The following GLI2 variants were observed in gnomAD, a reference collection of about 807,000 sequenced individuals.
GLI2 encodes the protein GLI family zinc finger 2.
In GLI2, 22 loss-of-function variants were observed where a neutral mutation model predicts 78.9. That is an observed-to-expected ratio of 0.28 (90% CI 0.20 to 0.40). The LOEUF (loss-of-function observed/expected upper bound fraction) is 0.40. GLI2 is among the 10% of genes least tolerant of loss of function. GLI2 has a pLI of 1.00. For missense variants in GLI2, 2,097 were observed against 2,213.2 expected (o/e 0.95, Z 1.05); for synonymous variants, 974 against 963.7 (o/e 1.01, Z -0.20).
chr2:120,877,371 T>C (rs751000258), intron 2 of GLI2, among the ~76,000 whole-genome samples: 7 of 152,182 alleles, frequency 4.6e-5, no homozygotes, highest in Non-Finnish European at 8.8e-5. Flanking sequence ...AAAAAAAATA[T>C]GCAAATACAA....
In GLI2 at chr2:120,758,666, C is replaced by T. The variant is rs114630906; in HGVS notation, c.-31+22381C>T. On this transcript the variant is annotated intron_variant, in intron 1 of 13. Coordinates refer to ENST00000361492, the MANE Select transcript of GLI2 (RefSeq NM_001374353.1). ...AAAATATCTGCTCGGCCTGCAGCTT[C>T]GGGCGGGGTGGCTGTAAATCATCCA... is the stretch of plus-strand genomic sequence containing the variant. Among the ~76,000 whole-genome samples, 632 of 152,334 alleles carry T rather than the reference C, an allele frequency of 4.1e-3. 6 individuals are homozygous for T. Among genetic ancestry groups the T allele is most frequent in the African/African-American group, 0.014 (594 of 41,588 alleles).
At chr2:120,972,741 G>A (rs1382694573) in intron 8 of GLI2, 2 of 509,600 alleles carry the variant, frequency 3.9e-6, no homozygotes, top group Non-Finnish European at 7.8e-6. Flanking sequence ...GTGGCGTGGT[G>A]AGGGGGGAAG....
intron 2 of GLI2, among the ~76,000 whole-genome samples, chr2:120,910,617 A>T (rs904292279): frequency 6.6e-6 from 1 of 152,234 alleles, no homozygotes; most frequent in Non-Finnish European, 1.5e-5. Context: ...CAGCATGCTA[A>T]CAACCAGCAT....
At chr2:120,836,678 T>C (rs1046809654) in intron 2 of GLI2, among the ~76,000 whole-genome samples, 1 of 152,176 alleles carries the variant, frequency 6.6e-6, no homozygotes, top group Non-Finnish European at 1.5e-5. Context: ...TGTCAGACTG[T>C]TTTATTTATG....
chr2:120,738,435 T>C (rs532660494), intron 1 of GLI2, among the ~76,000 whole-genome samples: 4 of 152,312 alleles, frequency 2.6e-5, no homozygotes, highest in African/African-American at 9.6e-5. Context: ...GTTAATTATA[T>C]TTGGTAAGAT....
At chr2:120,958,467 G>A (rs1681384687) in intron 5 of GLI2, among the ~76,000 whole-genome samples, 1 of 152,072 alleles carries the variant, frequency 6.6e-6, no homozygotes, top group South Asian at 2.1e-4. Context: ...AGAGTGGCGT[G>A]TCACCCCTCC....
At chr2:120,906,213 G>A (rs1678524182) in intron 2 of GLI2, among the ~76,000 whole-genome samples, 1 of 152,198 alleles carries the variant, frequency 6.6e-6, no homozygotes, top group Admixed American at 6.5e-5. Context: ...TGACTTGAGG[G>A]GACAGTGGGA....
chr2:120,750,523 G>A (rs2104631692), intron 1 of GLI2, among the ~76,000 whole-genome samples: 2 of 152,348 alleles, frequency 1.3e-5, no homozygotes, highest in South Asian at 4.1e-4. Context: ...AAGGGTTAGA[G>A]GTAAAAGAGT....
At chr2:120,796,167 G>A (rs994621940) in intron 1 of GLI2, among the ~76,000 whole-genome samples, 4 of 152,336 alleles carry the variant, frequency 2.6e-5, no homozygotes, top group East Asian at 3.9e-4. Flanking sequence ...GCTGGAGACG[G>A]AAGTTGCCCA....
chr2:120,880,580 A>T (rs542475639), intron 2 of GLI2, among the ~76,000 whole-genome samples: 1 of 152,210 alleles, frequency 6.6e-6, no homozygotes, highest in East Asian at 1.9e-4. Flanking sequence ...ACAAACAAAC[A>T]TAGCTCTGCT....
Position 120,988,279 on chromosome 2 carries a change from T to C in GLI2, c.2314T>C (p.Ser772Pro). 1.3e-6 allele frequency: 2 copies of C among 1,569,148 alleles called. No homozygotes were observed. Among genetic ancestry groups the C allele is most frequent in the Non-Finnish European group, 1.7e-6 (2 of 1,162,938 alleles). Residue 772 changes from serine to proline, a missense_variant, in exon 14 of 14, where the codon TCG becomes CCG. Physicochemically the swap from Ser to Pro is moderately conservative, Grantham distance 74. Coordinates refer to ENST00000361492, the MANE Select transcript of GLI2 (RefSeq NM_001374353.1). ...PAGLLPNPRL[S>P]ELSASEVTML... Reference sequence around the variant, plus strand: ...GGGGCTGCTGCCGAACCCGCGGCTGTCGGAGCTGTCCGCGAGCGAGGTGAC... The same window carrying C: ...GGGGCTGCTGCCGAACCCGCGGCTGCCGGAGCTGTCCGCGAGCGAGGTGAC...
chr2:120,919,244 A>G (rs989154947), intron 2 of GLI2, among the ~76,000 whole-genome samples: 2 of 152,264 alleles, frequency 1.3e-5, no homozygotes, highest in African/African-American at 4.8e-5. Flanking sequence ...AGTTAAAGGA[A>G]CATGATAAAT....
intron 1 of GLI2, among the ~76,000 whole-genome samples, chr2:120,775,062 C>G (rs980260371): frequency 6.6e-6 from 1 of 152,170 alleles, no homozygotes; most frequent in Admixed American, 6.5e-5. Flanking sequence ...CTGCCCCTTG[C>G]CAGGACTGGT....
At chr2:120,892,021 G>A (rs971573625) in intron 2 of GLI2, among the ~76,000 whole-genome samples, 1 of 150,906 alleles carries the variant, frequency 6.6e-6, no homozygotes, top group African/African-American at 2.4e-5. Flanking sequence ...GCTTGGCTCT[G>A]CGGATTGTGG....
intron 5 of GLI2, among the ~76,000 whole-genome samples, chr2:120,965,913 G>A (rs995305395): frequency 6.6e-6 from 1 of 152,164 alleles, no homozygotes; most frequent in Non-Finnish European, 1.5e-5. Context: ...CCCTCTGTGG[G>A]GTCAGAGCAA....
chr2:120,822,761 C>T (rs1246548820), intron 2 of GLI2, among the ~76,000 whole-genome samples: 1 of 151,860 alleles, frequency 6.6e-6, no homozygotes, highest in Admixed American at 6.5e-5. Context: ...CGTTAAAATA[C>T]AACAACAAAA....
chr2:120,881,885 C>T (rs1289788644), intron 2 of GLI2, among the ~76,000 whole-genome samples: 3 of 151,570 alleles, frequency 2.0e-5, no homozygotes, highest in Non-Finnish European at 4.4e-5. Context: ...GTGGAGCTGG[C>T]GGCATCATGA....
At chr2:120,977,320 T>A (rs1201139857) in intron 9 of GLI2, among the ~76,000 whole-genome samples, 2 of 152,266 alleles carry the variant, frequency 1.3e-5, no homozygotes, top group African/African-American at 4.8e-5. Context: ...ATTTTAATAT[T>A]TTTTATCCAG....
intron 2 of GLI2, among the ~76,000 whole-genome samples, chr2:120,858,368 G>C (rs534534615): frequency 6.6e-6 from 1 of 152,138 alleles, no homozygotes; most frequent in Non-Finnish European, 1.5e-5. Context: ...CCATGCCCCC[G>C]CCATGTCCAT....
Sources: allele counts gnomAD v4.1 joint callset (sites outside exome capture counted in the v4.1 genomes callset), GRCh38; gene constraint gnomAD v4.1.1; transcripts MANE v1.5; gene names NCBI Gene and HGNC (gene_info 2026-07-23, HGNC 2026-07-21).